The following RSRP1 variants were observed in gnomAD, a reference collection of about 807,000 sequenced individuals.
RSRP1 encodes the protein arginine/serine-rich protein 1.
RSRP1 carries 37 observed loss-of-function variants against 33.0 expected under a neutral mutation model. That is an observed-to-expected ratio of 1.12 (90% CI 0.86 to 1.48). The LOEUF is 1.48. RSRP1 is among the 40% of genes most tolerant of loss of function. The pLI is 0.00. For missense variants in RSRP1, 402 were observed against 385.3 expected, an observed-to-expected ratio of 1.04 and a Z score of -0.36; for synonymous variants, 167 against 158.7, an observed-to-expected ratio of 1.05 and a Z score of -0.40.
intron 1 of RSRP1, among the ~76,000 whole-genome samples, chr1:25,287,360 A>G (rs1642116757): frequency 7.4e-6 from 1 of 135,384 alleles, no homozygotes; most frequent in Non-Finnish European, 1.8e-5. Flanking sequence ...CAATCTAGAA[A>G]GACGAGAAGG....
rs563003186 is a variant in RSRP1, at chr1:25,319,972, C to G, written c.-67+18006G>C. On this transcript the variant is annotated intron_variant, in intron 1 of 1. Coordinates refer to the RSRP1 transcript ENST00000561867. ...GGAGTGCAATGGCGCTATCTCGGCT[C>G]ACTACAACCTCAGCCTCCTGGGTTC... is the stretch of plus-strand genomic sequence containing the variant. Among the ~76,000 whole-genome samples, 31 of 131,478 alleles carry G rather than the reference C, an allele frequency of 2.4e-4. 5 individuals carry two copies. In the South Asian group the frequency reaches 6.8e-3, roughly 29 times the overall value. 86.3% of individuals were successfully genotyped at this position (131,478 alleles called of 152,430 possible).
intron 1 of RSRP1, among the ~76,000 whole-genome samples, chr1:25,298,165 T>A: frequency 8.8e-6 from 1 of 113,084 alleles, no homozygotes; most frequent in South Asian, 3.1e-4. Flanking sequence ...GGGTCATTTT[T>A]CCACTCTGGT....
At chr1:25,319,438 C>A in intron 1 of RSRP1, among the ~76,000 whole-genome samples, 1 of 131,520 alleles carries the variant, frequency 7.6e-6, no homozygotes, top group East Asian at 2.0e-4. Context: ...TAGTGAGACC[C>A]CATCTCTACA....
At chr1:25,331,329 T>C (rs1645002483) in intron 1 of RSRP1, among the ~76,000 whole-genome samples, 2 of 131,278 alleles carry the variant, frequency 1.5e-5, no homozygotes, top group South Asian at 2.3e-4. Context: ...TAACCTCATT[T>C]GACCTTAACT....
chr1:25,244,416 A>T (rs1354421080), intron 3 of RSRP1: 2 of 1,289,416 alleles, frequency 1.6e-6, no homozygotes, highest in Non-Finnish European at 1.0e-6. Context: ...ATAAACTTCA[A>T]ATTAAACCTC....
At chr1:25,306,163 C>T (rs146963645) in intron 1 of RSRP1, among the ~76,000 whole-genome samples, 6,005 of 131,434 alleles carry the variant, frequency 0.046, 1,620 homozygotes, top group Non-Finnish European at 0.075. Flanking sequence ...TGTCTGGAGG[C>T]GTTCTTGGTT....
rs1209285763 is a variant in RSRP1 at position 25,334,614 on chromosome 1, G to A, written c.-67+3364C>T. 3.0e-5 allele frequency among the ~76,000 whole-genome samples: 4 copies of A among 133,378 alleles called. 1 individual carries two copies. The East Asian group carries it at 5.9e-4, about 20-fold the overall frequency. 87.5% of individuals were successfully genotyped at this position (133,378 alleles called of 152,430 possible). ...CTGCCCTGGCAGAGGATCTCCATGA[G>A]GGCCCTGCCCCTGCAGCAAACTTCT... On this transcript the variant is annotated intron_variant, in intron 1 of 1. Coordinates refer to the RSRP1 transcript ENST00000561867.
chr1:25,314,460 T>G lies in RSRP1; in HGVS notation c.-67+23518A>C, dbSNP rs1197530013. On this transcript the variant is annotated intron_variant, in intron 1 of 1. Coordinates refer to the RSRP1 transcript ENST00000561867. ...ATTTGTAGGAATTCCTTACGTATCC[T>G]GGATATGAATCCCACTTTGTGCGTT... Among the ~76,000 whole-genome samples the G allele has an allele frequency of 2.3e-5, 3 of 132,852 alleles. 1 individual carries two copies. Among genetic ancestry groups the G allele is most frequent in the African/African-American group, 7.7e-5 (3 of 39,042 alleles). The allele number at this position is 132,852 out of a possible 152,430, so 87.2% of individuals were successfully genotyped here.
rs1171797082 is a variant in RSRP1 at position 25,331,496 on chromosome 1, C to A, written c.-67+6482G>T. Among the ~76,000 whole-genome samples, 12 of 130,962 alleles carry A rather than the reference C, an allele frequency of 9.2e-5. 3 individuals are homozygous for A. The highest frequency in any genetic ancestry group is 3.1e-4 in the African/African-American group (12 of 38,444). 85.9% of individuals were successfully genotyped at this position (130,962 alleles called of 152,430 possible). A position where few individuals can be genotyped will look rare whatever the true frequency, so the allele number is the denominator to read the frequency against. On this transcript the variant is annotated intron_variant, in intron 1 of 1. Coordinates refer to the RSRP1 transcript ENST00000561867. ...CGTGATTACTGTCCTTATGCATAAACGTCCTCAGTGTTCCACTGCGTTTAT... is the reference window on the plus strand; with the variant it reads ...CGTGATTACTGTCCTTATGCATAAAAGTCCTCAGTGTTCCACTGCGTTTAT...
rs1392214248 is a variant in RSRP1 at position 25,312,759 on chromosome 1, A to T, written c.-67+25219T>A. Among the ~76,000 whole-genome samples, 9 of 117,128 alleles carry T rather than the reference A, an allele frequency of 7.7e-5. 2 individuals carry two copies. The highest frequency in any genetic ancestry group is 2.0e-4 in the East Asian group (1 of 4,966). The allele number at this position is 117,128 out of a possible 152,430, so 76.8% of individuals were successfully genotyped here. A position where few individuals can be genotyped will look rare whatever the true frequency, so the allele number is the denominator to read the frequency against. On this transcript the variant is annotated intron_variant, in intron 1 of 1. Transcript: ENST00000561867. Reference sequence around the variant, plus strand: ...AGTGAGACTCTGTCTCTACAAATAAAATTAAATAAACTTAGCTGGATATGG... The same window carrying T: ...AGTGAGACTCTGTCTCTACAAATAATATTAAATAAACTTAGCTGGATATGG...
chr1:25,248,752 T>A (rs1387561045), upstream of RSRP1, among the ~76,000 whole-genome samples: 1 of 152,222 alleles, frequency 6.6e-6, no homozygotes, highest in Non-Finnish European at 1.5e-5. Flanking sequence ...TGGAAGTAGT[T>A]CTTAAACAGT....
At chr1:25,262,169 T>G (rs1008103914) in intron 1 of RSRP1, among the ~76,000 whole-genome samples, 3 of 152,200 alleles carry the variant, frequency 2.0e-5, no homozygotes. Context: ...TAATCTGTAG[T>G]CTGACTAAAC....
At chr1:25,245,094 C>T (rs2124533382) in intron 3 of RSRP1, 56 bp downstream of exon 3, 2 of 1,613,776 alleles carry the variant, frequency 1.2e-6, no homozygotes, top group East Asian at 4.5e-5. Flanking sequence ...AGTGGCTAAT[C>T]AGATTTGACA....
rs2765574 is a variant in RSRP1 at position 25,330,923 on chromosome 1, T to C, written c.-67+7055A>G. Among the ~76,000 whole-genome samples, 29 of 125,886 alleles carry C rather than the reference T, an allele frequency of 2.3e-4. 1 individual carries two copies. The highest frequency in any genetic ancestry group is 7.0e-4 in the African/African-American group (26 of 37,142). The allele number at this position is 125,886 out of a possible 152,430, so 82.6% of individuals were successfully genotyped here. Reference sequence around the variant, plus strand: ...TCCCTGTGTCCTCATAGAGCCTGTCTTCTGCTTTTACACTTCTGGTGTCAT... The same window carrying C: ...TCCCTGTGTCCTCATAGAGCCTGTCCTCTGCTTTTACACTTCTGGTGTCAT... On this transcript the variant is annotated intron_variant, in intron 1 of 1. Transcript: ENST00000561867.
At chr1:25,274,742 C>CTTT (rs1640794298) in intron 1 of RSRP1, among the ~76,000 whole-genome samples, 2 of 134,198 alleles carry the variant, frequency 1.5e-5, no homozygotes, top group South Asian at 2.3e-4. Context: ...CGACGTGGCT[C>CTTT]ACGCCTGTAA....
rs1196515708 is a variant in RSRP1, at chr1:25,293,198, TGGA to T, written c.-67+44777_-67+44779del. ...TTTGCTATAAAGGGGAACAGAGAAATGGAGGAGAAGCAGGAGGGCAATAATCCG... is the reference window on the plus strand; with the variant it reads ...TTTGCTATAAAGGGGAACAGAGAAATGGAGAAGCAGGAGGGCAATAATCCG... On this transcript the variant is annotated intron_variant, in intron 1 of 1. Transcript: ENST00000561867. 2.3e-5 allele frequency among the ~76,000 whole-genome samples: 3 copies of T among 128,974 alleles called. 1 individual carries two copies. The highest frequency in any genetic ancestry group is 5.5e-5 in the Non-Finnish European group (3 of 54,882). 84.6% of individuals were successfully genotyped at this position (128,974 alleles called of 152,430 possible). A position where few individuals can be genotyped will look rare whatever the true frequency, so the allele number is the denominator to read the frequency against.
chr1:25,334,761 G>A (rs1367582060), intron 1 of RSRP1, among the ~76,000 whole-genome samples: 1 of 133,320 alleles, frequency 7.5e-6, no homozygotes, highest in Admixed American at 7.2e-5. Flanking sequence ...AAGGCTTGGG[G>A]CTTGCACTCC....
chr1:25,245,381 AAT>A (rs1487191913), intron 2 of RSRP1, 80 bp from the exon 3 acceptor site: 18 of 1,462,294 alleles, frequency 1.2e-5, no homozygotes, highest in Middle Eastern at 1.9e-4. Flanking sequence ...TTACACAATA[AAT>A]ATGTTATTTT....
chr1:25,271,926 T>G lies in RSRP1; in HGVS notation c.-66-24897A>C, dbSNP rs1389211929. Among the ~76,000 whole-genome samples, 5 of 131,896 alleles carry G rather than the reference T, an allele frequency of 3.8e-5. 2 individuals are homozygous for G. Among genetic ancestry groups the G allele is most frequent in the Non-Finnish European group, 9.0e-5 (5 of 55,588 alleles). 86.5% of individuals were successfully genotyped at this position (131,896 alleles called of 152,430 possible). ...TTCTGCCACCCCCCCTTAAAATGCTTAGAAACACATAGATTTAAATACAAA... is the reference window on the plus strand; with the variant it reads ...TTCTGCCACCCCCCCTTAAAATGCTGAGAAACACATAGATTTAAATACAAA... On this transcript the variant is annotated intron_variant, in intron 1 of 1. Coordinates refer to the RSRP1 transcript ENST00000561867.
Sources: allele counts gnomAD v4.1 joint callset (sites outside exome capture counted in the v4.1 genomes callset), GRCh38; gene constraint gnomAD v4.1.1; transcripts MANE v1.5; gene names NCBI Gene and HGNC (gene_info 2026-07-23, HGNC 2026-07-21).